PSME3: variants seen among roughly 807,000 people sequenced by gnomAD.
PSME3 encodes proteasome activator complex subunit 3.
PSME3 carries 7 observed loss-of-function variants against 38.3 expected under a neutral mutation model. The observed-to-expected ratio is 0.18, with a 90% CI of 0.10 to 0.34. The LOEUF (loss-of-function observed/expected upper bound fraction) is 0.34, where lower values mean the gene tolerates loss of function less well. Ranked by LOEUF, PSME3 falls within the 10% of genes least tolerant of loss-of-function variation. PSME3 has a pLI of 1.00. For missense variants in PSME3, 192 were observed against 307.6 expected, an observed-to-expected ratio of 0.62 and a Z score of 2.81; for synonymous variants, 108 against 105.7, an observed-to-expected ratio of 1.02 and a Z score of -0.13.
intron 10 of PSME3, among the ~76,000 whole-genome samples, chr17:42,840,223 C>T (rs1006460003): frequency 2.0e-5 from 3 of 151,682 alleles, no homozygotes; most frequent in Non-Finnish European, 4.4e-5. Context: ...GCGGAGGTTG[C>T]AGTGAGCCGA....
intron 1 of PSME3, 197 bp from the exon 2 acceptor site, chr17:42,834,147 C>A: frequency 6.7e-7 from 1 of 1,486,184 alleles, no homozygotes; most frequent in Admixed American, 2.4e-5. Flanking sequence ...AGGAGACAGG[C>A]AGGTGCTGTC....
intron 1 of PSME3, 55 bp downstream of exon 1, chr17:42,833,728 A>G: frequency 6.2e-7 from 1 of 1,614,100 alleles, no homozygotes; most frequent in Non-Finnish European, 8.5e-7. Flanking sequence ...CAGCAGTCTG[A>G]CCGGCTTCCT....
chr17:42,837,840 G>C (rs760420138), intron 5 of PSME3, 143 bp downstream of exon 5: 1 of 1,046,124 alleles, frequency 9.6e-7, no homozygotes, highest in Admixed American at 2.2e-5. Context: ...TCCTCCAAAC[G>C]TGCTTGTTAT....
intron 10 of PSME3, among the ~76,000 whole-genome samples, chr17:42,840,958 C>G (rs1270142383): frequency 1.3e-5 from 2 of 151,808 alleles, no homozygotes; most frequent in Non-Finnish European, 2.9e-5. Context: ...ATGGTGAAAC[C>G]CCATCTGTAC....
rs986635110 is a variant in PSME3, at chr17:42,843,513, C to T, written c.*1935C>T. ...CTTCTCTCCCTACTTTCAGAAGATC[C>T]TAGTTCCTTCCTTCCCGAGTGATAC... On this transcript the variant is annotated 3_prime_UTR_variant, in exon 11 of 11. Transcript: ENST00000590720. The T allele has an allele frequency of 6.6e-6, 1 of 152,342 alleles. No homozygotes were observed. Among genetic ancestry groups the T allele is most frequent in the Non-Finnish European group, 1.5e-5 (1 of 68,040 alleles). The allele number at this position is 152,342 out of a possible 1,614,324, so 9.4% of individuals were successfully genotyped here. A position where few individuals can be genotyped will look rare whatever the true frequency, so the allele number is the denominator to read the frequency against.
chr17:42,841,384 T>A, intron 10 of PSME3, 114 bp from the exon 11 acceptor site: 1 of 523,894 alleles, frequency 1.9e-6, no homozygotes, highest in East Asian at 3.3e-5. Context: ...TTGATGACAT[T>A]AAGGACTTAC....
intron 7 of PSME3, 25 bp downstream of exon 7, chr17:42,838,824 G>A: frequency 1.3e-6 from 2 of 1,580,690 alleles, no homozygotes; most frequent in Non-Finnish European, 1.7e-6. Context: ...TTACATACTG[G>A]GAAGAGTGGC....
intron 6 of PSME3, 89 bp downstream of exon 6, chr17:42,838,294 T>G: frequency 6.4e-7 from 1 of 1,551,110 alleles, no homozygotes; most frequent in Non-Finnish European, 8.7e-7. Flanking sequence ...GTATGGGAAT[T>G]GGCAGACTAG....
At position 42,833,497 on chromosome 17, in the gene PSME3, G is replaced by C; in HGVS notation, c.-135G>C. The stretch of plus-strand genomic sequence containing the variant: ...GGCGGACGGCACAGAGGGAGGGAGC[G>C]AGCGAGCAGTGAGTAAGCCAGCAAG... On this transcript the variant is annotated 5_prime_UTR_variant, in exon 1 of 11. Coordinates refer to ENST00000590720, the MANE Select transcript of PSME3 (RefSeq NM_005789.4). The C allele has an allele frequency of 9.3e-7, 1 of 1,073,922 alleles. No individual in the cohort carries two copies. The allele number at this position is 1,073,922 out of a possible 1,614,324, so 66.5% of individuals were successfully genotyped here. A position where few individuals can be genotyped will look rare whatever the true frequency, so the allele number is the denominator to read the frequency against.
At position 42,834,638 on chromosome 17, in the gene PSME3, A is replaced by G. The variant is rs368318332; in HGVS notation, c.138+61A>G. On this transcript the variant is annotated intron_variant, in intron 3 of 10. Coordinates refer to ENST00000590720, the MANE Select transcript of PSME3 (RefSeq NM_005789.4). ...TTTTTTGGCCCTGGTATTACTGTCA[A>G]CTGGGATAAACTGTTGATTCTTCTT... The G allele has an allele frequency of 1.1e-4, 169 of 1,604,672 alleles. No homozygotes were observed. The highest frequency in any genetic ancestry group is 3.1e-4 in the South Asian group (28 of 89,870).
Position 42,834,881 on chromosome 17 carries a change from G to A in PSME3, c.243+5G>A, listed in dbSNP as rs1442666505. ...AGCCATGATGGACTGGATGGTGTAAGTGTCCTATATTTATCTTTGTGTTCT... is the reference window on the plus strand; with the variant it reads ...AGCCATGATGGACTGGATGGTGTAAATGTCCTATATTTATCTTTGTGTTCT... On this transcript the variant is annotated splice_donor_5th_base_variant and intron_variant, in intron 4 of 10. Coordinates refer to ENST00000590720, the MANE Select transcript of PSME3 (RefSeq NM_005789.4). 6.2e-7 allele frequency: 1 copy of A among 1,613,690 alleles called. No individual in the cohort carries two copies. The highest frequency in any genetic ancestry group is 2.2e-5 in the East Asian group (1 of 44,864).
chr17:42,833,456 A>T lies in PSME3; in HGVS notation c.-176A>T. 4.3e-6 allele frequency: 3 copies of T among 693,270 alleles called. No homozygotes were observed. Among genetic ancestry groups the T allele is most frequent in the East Asian group, 2.8e-5 (1 of 36,212 alleles). The allele number at this position is 693,270 out of a possible 1,614,324, so 42.9% of individuals were successfully genotyped here. A position where few individuals can be genotyped will look rare whatever the true frequency, so the allele number is the denominator to read the frequency against. ...GCGAGCGAGAGAGCAAGCAGGCAGC[A>T]GGCTGCCGGCGGGCGGGCGGACGGC... On this transcript the variant is annotated 5_prime_UTR_variant, in exon 1 of 11. Transcript: ENST00000590720.
chr17:42,837,474 C>T (rs62078454), intron 4 of PSME3, among the ~76,000 whole-genome samples, 175 bp from the exon 5 acceptor site: 68 of 152,192 alleles, frequency 4.5e-4, no homozygotes, highest in Non-Finnish European at 8.8e-4. Flanking sequence ...CATGAGCCAC[C>T]GCGCCTTGCC....
Position 42,842,423 on chromosome 17 carries a change from A to C in PSME3, c.*845A>C, listed in dbSNP as rs537974179. 6.5e-6 allele frequency: 1 copy of C among 152,864 alleles called. No individual in the cohort carries two copies. The highest frequency in any genetic ancestry group is 1.9e-4 in the East Asian group (1 of 5,312). The allele number at this position is 152,864 out of a possible 1,614,324, so 9.5% of individuals were successfully genotyped here. ...CAGGGTGAGTTGGTGGAGAACAGAG[A>C]GATGAGAAGCAGAGGGCTTGGGGAA... is the stretch of plus-strand genomic sequence containing the variant. On this transcript the variant is annotated 3_prime_UTR_variant, in exon 11 of 11. Transcript: ENST00000590720.
chr17:42,841,724 A>C lies in PSME3; in HGVS notation c.*146A>C, dbSNP rs1377496954. 5.5e-6 allele frequency: 3 copies of C among 542,198 alleles called. No individual in the cohort carries two copies. Among genetic ancestry groups the C allele is most frequent in the Non-Finnish European group, 6.4e-6 (2 of 314,814 alleles). 33.6% of individuals were successfully genotyped at this position (542,198 alleles called of 1,614,324 possible). A position where few individuals can be genotyped will look rare whatever the true frequency, so the allele number is the denominator to read the frequency against. On this transcript the variant is annotated 3_prime_UTR_variant, in exon 11 of 11. Coordinates refer to ENST00000590720, the MANE Select transcript of PSME3 (RefSeq NM_005789.4). ...TTAGTTAGAGTCTAATGAAACTCTC[A>C]TCTAGTTCTGTGATGTGTTTACCTC...
intron 4 of PSME3, among the ~76,000 whole-genome samples, chr17:42,837,446 A>G (rs745407405): frequency 6.6e-6 from 1 of 152,150 alleles, no homozygotes; most frequent in Non-Finnish European, 1.5e-5. Context: ...CGGCCCCCCA[A>G]ATTGCTGGGA....
At chr17:42,838,912 G>A (rs772110359) in intron 7 of PSME3, 33 bp from the exon 8 acceptor site, 2 of 1,613,098 alleles carry the variant, frequency 1.2e-6, no homozygotes, top group South Asian at 2.2e-5. Flanking sequence ...CATGGAAGTG[G>A]CTTTTGATGC....
Position 42,838,602 on chromosome 17 carries a change from G to C in PSME3, c.406-129G>C. 3.3e-6 allele frequency: 3 copies of C among 899,542 alleles called. No homozygotes were observed. In the South Asian group the frequency reaches 4.8e-5, roughly 14 times the overall value. The allele number at this position is 899,542 out of a possible 1,614,324, so 55.7% of individuals were successfully genotyped here. A position where few individuals can be genotyped will look rare whatever the true frequency, so the allele number is the denominator to read the frequency against. ...CAAATTGCTGGGATTACCGGCATGA[G>C]CCACCATGCCTGGCCAGACTAGGTA... On this transcript the variant is annotated intron_variant, in intron 6 of 10. Transcript: ENST00000590720.
At position 42,834,866 on chromosome 17, in the gene PSME3, G is replaced by T; in HGVS notation, c.233G>T (p.Gly78Val). The T allele has an allele frequency of 1.2e-6, 2 of 1,613,890 alleles. No individual in the cohort carries two copies. The highest frequency in any genetic ancestry group is 2.2e-5 in the South Asian group (2 of 91,050). Residue 78 changes from glycine (G) to valine (V), a missense_variant, in exon 4 of 11, where the codon GGA becomes GTA. Physicochemically the swap from Gly to Val is moderately radical, Grantham distance 109. Around this residue, in one of 2 missense-constraint regions of PSME3, gnomAD observed 110 missense variants for 139.3 expected, o/e 0.79. Transcript: ENST00000590720. ...DPILLTNSHD[G>V]LDGPTYKKRR... ...ATTCTTCTCACCAATAGCCATGATG[G>T]ACTGGATGGTGTAAGTGTCCTATAT...
Sources: allele counts gnomAD v4.1 joint callset (sites outside exome capture counted in the v4.1 genomes callset), GRCh38; gene constraint gnomAD v4.1.1; regional missense constraint gnomAD v4.1.1; transcripts MANE v1.5; gene names NCBI Gene and HGNC (gene_info 2026-07-23, HGNC 2026-07-21).